The following LTBP4 variants were observed in gnomAD, a reference collection of about 807,000 sequenced individuals.
LTBP4 encodes the protein latent-transforming growth factor beta-binding protein 4.
Under a neutral mutation model 180.2 loss-of-function variants are expected in LTBP4, and 93 were observed. The ratio of observed to expected loss-of-function variants is 0.52; its 90% CI spans 0.44 to 0.61. The LOEUF (loss-of-function observed/expected upper bound fraction) is 0.61, where lower values mean the gene tolerates loss of function less well. Among genes scored for constraint, LTBP4 ranks in the 20% least tolerant of loss-of-function variants. LTBP4 has a pLI of 0.00. For synonymous variants in LTBP4, 947 were observed against 934.5 expected, an observed-to-expected ratio of 1.01 and a Z score of -0.24; for missense variants, 2,116 against 2,256.5, an observed-to-expected ratio of 0.94 and a Z score of 1.26.
rs2081524398 is a variant in LTBP4, at chr19:40,613,585, G to C, written c.2557+56G>C. ...AAGGGTGGGCTTAGGGCAGGAAAAG[G>C]CGGGACGGGGAGAAGAGGGCGAAAA... On this transcript the variant is annotated intron_variant, in intron 17 of 29. Transcript: ENST00000396819. The surrounding 1 kb of genome is among the most constrained non-coding windows in gnomAD (Gnocchi z 5.0). 1 of 1,544,834 alleles carries C rather than the reference G, an allele frequency of 6.5e-7. No individual in the cohort carries two copies. Among genetic ancestry groups the C allele is most frequent in the African/African-American group, 1.4e-5 (1 of 73,166 alleles).
At position 40,627,349 on chromosome 19, in the gene LTBP4, T is replaced by A. The variant is rs767276621; in HGVS notation, c.4360T>A (p.Tyr1454Asn). ...CGAGGAGCCTCCTGAAGGTGGAAGC[T>A]ATGCTGGTGAGCACTGCCAGCGCAT... The part of the protein sequence containing the change: ...EPEEPPEGGS[Y>N]AGSLAEPYEE... The change falls in exon 28 of 30, where the codon TAT (tyrosine) becomes AAT (asparagine). Residue 1454 changes from tyrosine (Y) to asparagine (N), a missense_variant. By Grantham distance (143) the Tyr-to-Asn change is moderately radical. This residue lies in a region of LTBP4 where 488 missense variants were observed against 458.8 expected (regional missense o/e 1.06). Coordinates refer to ENST00000396819, the MANE Select transcript of LTBP4 (RefSeq NM_001042545.2). The A allele has an allele frequency of 1.3e-6, 2 of 1,503,654 alleles. No individual in the cohort carries two copies. Among genetic ancestry groups the A allele is most frequent in the Non-Finnish European group, 1.8e-6 (2 of 1,128,770 alleles). 93.1% of individuals were successfully genotyped at this position (1,503,654 alleles called of 1,614,324 possible).
At chr19:40,610,279 T>C in intron 11 of LTBP4, 1 of 536,788 alleles carries the variant, frequency 1.9e-6, no homozygotes, top group East Asian at 3.1e-5. Context: ...AACTGCTCCT[T>C]TCTTCTCTAG....
At chr19:40,619,525 G>A (rs755061899) in intron 22 of LTBP4, 32 bp downstream of exon 22, 144 of 1,567,838 alleles carry the variant, frequency 9.2e-5, no homozygotes, top group Non-Finnish European at 1.1e-4. Context: ...AACTGATGGC[G>A]GCTGGCCCCA....
intron 20 of LTBP4, 29 bp downstream of exon 20, chr19:40,617,049 T>C: frequency 6.2e-7 from 1 of 1,613,048 alleles, no homozygotes; most frequent in Non-Finnish European, 8.5e-7. Flanking sequence ...TCGGGTGAGA[T>C]GTGGAGATGG....
In LTBP4 at chr19:40,607,418, G is replaced by A. The variant is rs577339340; in HGVS notation, c.1045G>A (p.Gly349Ser). ...GCCCTGCTTCCGCGTGCTCCGCGACGGCGGCTGTTCGCTGCCCATTCTGCG... is the reference window on the plus strand; with the variant it reads ...GCCCTGCTTCCGCGTGCTCCGCGACAGCGGCTGTTCGCTGCCCATTCTGCG... ...KGPCFRVLRD[G>S]GCSLPILRNI... Residue 349 changes from glycine (G) to serine (S), a missense_variant, in exon 7 of 30, where the codon GGC (glycine) becomes AGC (serine). By Grantham distance (56) the Gly-to-Ser change is moderately conservative (BLOSUM62 0). Coordinates refer to ENST00000396819, the MANE Select transcript of LTBP4 (RefSeq NM_001042545.2). The A allele has an allele frequency of 2.5e-6, 4 of 1,612,986 alleles. No homozygotes were observed. The highest frequency in any genetic ancestry group is 1.7e-5 in the Admixed American group (1 of 59,888).
At position 40,605,666 on chromosome 19, in the gene LTBP4, C is replaced by G. The variant is rs571237128; in HGVS notation, c.690+14C>G. On this transcript the variant is annotated intron_variant, in intron 3 of 29. Coordinates refer to ENST00000396819, the MANE Select transcript of LTBP4 (RefSeq NM_001042545.2). The surrounding 1 kb of genome is among the most constrained non-coding windows in gnomAD (Gnocchi z 5.5). ...CGCGGAGGCGAAGTGAGAGGAGGCC[C>G]GTGGGGAGGGGCCCGGAGCTTGCCT... 17 of 1,555,146 alleles carry G rather than the reference C, an allele frequency of 1.1e-5. No individual in the cohort carries two copies. The East Asian group carries it at 1.9e-4, about 18-fold the overall frequency.
Position 40,613,269 on chromosome 19 carries a change from G to A in LTBP4, c.2431+73G>A. ...TTCCAGGGCAAAGCCGGCTGGAAAG[G>A]TGGAGGCGGGACCAAGGCGCTGTGG... On this transcript the variant is annotated intron_variant, in intron 16 of 29. Coordinates refer to ENST00000396819, the MANE Select transcript of LTBP4 (RefSeq NM_001042545.2). The surrounding 1 kb of genome is among the most constrained non-coding windows in gnomAD (Gnocchi z 5.0). 1 of 1,542,932 alleles carries A rather than the reference G, an allele frequency of 6.5e-7. No homozygotes were observed. The highest frequency in any genetic ancestry group is 8.8e-7 in the Non-Finnish European group (1 of 1,140,942).
At position 40,629,602 on chromosome 19, in the gene LTBP4, C is replaced by T. The variant is rs898456885; in HGVS notation, c.*52C>T. Reference sequence around the variant, plus strand: ...CGCGCCCGCCACTCGGGGCCCCTGCCGCGCATCCTGCAGCCCGCTTATGCG... The same window carrying T: ...CGCGCCCGCCACTCGGGGCCCCTGCTGCGCATCCTGCAGCCCGCTTATGCG... On this transcript the variant is annotated 3_prime_UTR_variant, in exon 30 of 30. Transcript: ENST00000396819. This position sits in a 1 kb window ranked among gnomAD's most constrained non-coding sequence, Gnocchi z 4.5. 3 of 1,328,658 alleles carry T rather than the reference C, an allele frequency of 2.3e-6. No homozygotes were observed. The highest frequency in any genetic ancestry group is 1.6e-5 in the African/African-American group (1 of 63,734). The allele number at this position is 1,328,658 out of a possible 1,614,324, so 82.3% of individuals were successfully genotyped here.
At chr19:40,597,213 G>T (rs1205103353), upstream of LTBP4, 13 of 1,455,630 alleles carry the variant, frequency 8.9e-6, no homozygotes, top group Non-Finnish European at 1.1e-5. Context: ...CCCGCCCGGA[G>T]CGGGACTCGG....
At position 40,623,695 on chromosome 19, in the gene LTBP4, C is replaced by T. The variant is rs1355634169; in HGVS notation, c.3648C>T (p.Asn1216=). 3 of 1,613,800 alleles carry T rather than the reference C, an allele frequency of 1.9e-6. No individual in the cohort carries two copies. The highest frequency in any genetic ancestry group is 1.3e-5 in the African/African-American group (1 of 74,894). ...CGGGCTACTCATGCTATTGCAGCAA[C>T]GGCTACTACTACCACACACAGCGGC... The part of the protein sequence containing the change: ...TAPGYSCYCS[N]GYYYHTQRLE... The change falls in exon 25 of 30, where the codon AAC becomes AAT. Residue 1216 remains asparagine (N), a synonymous_variant. Transcript: ENST00000396819.
chr19:40,609,967 C>T lies in LTBP4; in HGVS notation c.1684+96C>T. The T allele has an allele frequency of 7.0e-7, 1 of 1,422,546 alleles. No individual in the cohort carries two copies. Among genetic ancestry groups the T allele is most frequent in the Non-Finnish European group, 9.2e-7 (1 of 1,082,508 alleles). The allele number at this position is 1,422,546 out of a possible 1,614,324, so 88.1% of individuals were successfully genotyped here. On this transcript the variant is annotated intron_variant, in intron 11 of 29. Transcript: ENST00000396819. This position sits in a 1 kb window ranked among gnomAD's most constrained non-coding sequence, Gnocchi z 4.9. ...TCCAGCCCTCCCACGCTTCCCCTCT[C>T]GGGTCCCGCCCCAGGACTGCTCTGC...
At position 40,606,580 on chromosome 19, in the gene LTBP4, G is replaced by T. The variant is rs555209831; in HGVS notation, c.991+54G>T. 7.8e-5 allele frequency: 119 copies of T among 1,528,212 alleles called. 1 individual carries two copies. The African/African-American group carries it at 1.4e-3, about 18-fold the overall frequency. The allele number at this position is 1,528,212 out of a possible 1,614,324, so 94.7% of individuals were successfully genotyped here. A position where few individuals can be genotyped will look rare whatever the true frequency, so the allele number is the denominator to read the frequency against. On this transcript the variant is annotated intron_variant, in intron 6 of 29. Coordinates refer to ENST00000396819, the MANE Select transcript of LTBP4 (RefSeq NM_001042545.2). ...GGTCCCGCCCTCCCTGCCCTCAGAA[G>T]TCCCAGAGCATCCTGGGGCCTTTAA...
chr19:40,613,673 C>G lies in LTBP4; in HGVS notation c.2557+144C>G, dbSNP rs2081525231. On this transcript the variant is annotated intron_variant, in intron 17 of 29. Transcript: ENST00000396819. The surrounding 1 kb of genome is among the most constrained non-coding windows in gnomAD (Gnocchi z 5.0). ...ATCAGGGGGCAGCTGGTGGGAGTCT[C>G]GAGGCAGTGAGGGGGGGCGGGGCGT... is the stretch of plus-strand genomic sequence containing the variant. 5.2e-6 allele frequency: 7 copies of G among 1,356,686 alleles called. No individual in the cohort carries two copies. The highest frequency in any genetic ancestry group is 5.1e-5 in the East Asian group (2 of 39,560). 84.0% of individuals were successfully genotyped at this position (1,356,686 alleles called of 1,614,324 possible).
intron 6 of LTBP4, 68 bp from the exon 7 acceptor site, chr19:40,607,291 CCTCTCT>C: frequency 7.4e-7 from 1 of 1,356,894 alleles, no homozygotes; most frequent in Non-Finnish European, 1.0e-6. Flanking sequence ...GAACCATTCC[CCTCTCT>C]CCCAAATCCC....
chr19:40,612,960 A>C, intron 15 of LTBP4, 105 bp from the exon 16 acceptor site: 8 of 1,120,296 alleles, frequency 7.1e-6, no homozygotes, highest in Non-Finnish European at 7.8e-6. Flanking sequence ...CCCAGCCTCC[A>C]ACTCATGAGA....
upstream of LTBP4, chr19:40,599,862 CTT>C (rs772158620): frequency 5.9e-6 from 3 of 511,578 alleles, no homozygotes; most frequent in Non-Finnish European, 1.0e-5. Context: ...CCCCTTCTCT[CTT>C]TCTCTCCCCC....
Position 40,617,021 on chromosome 19 carries a change from G to C in LTBP4, c.2944+1G>C, listed in dbSNP as rs750698494. The C allele has an allele frequency of 6.2e-7, 1 of 1,612,908 alleles. No homozygotes were observed. Among genetic ancestry groups the C allele is most frequent in the African/African-American group, 1.3e-5 (1 of 74,924 alleles). ...CCCACGCCAGGGGGCGGATGCCAGG[G>C]TGGGTGTCCATCAGGCATCGGGTGA... On this transcript the variant is annotated splice_donor_variant, in intron 20 of 29. Transcript: ENST00000396819. LOFTEE classifies it high-confidence loss of function.
At chr19:40,599,856 TTC>T (rs2081411518), upstream of LTBP4, 2 of 512,388 alleles carry the variant, frequency 3.9e-6, no homozygotes, top group Admixed American at 3.6e-5. Context: ...TCTCTGCCCC[TTC>T]TCTCTTTCTC....
intron 1 of LTBP4, among the ~76,000 whole-genome samples, chr19:40,603,770 T>C (rs2081439512): frequency 6.6e-6 from 1 of 152,232 alleles, no homozygotes; most frequent in South Asian, 2.1e-4. Context: ...AGCTGTTCTC[T>C]GCAGCCCCGG....
Sources: allele counts gnomAD v4.1 joint callset (sites outside exome capture counted in the v4.1 genomes callset), GRCh38; gene constraint gnomAD v4.1.1; regional missense constraint gnomAD v4.1.1; non-coding constraint Gnocchi (gnomAD v3.1); transcripts MANE v1.5; gene names NCBI Gene and HGNC (gene_info 2026-07-23, HGNC 2026-07-21).